The following NUDT12 variants were observed in gnomAD, a reference collection of about 807,000 sequenced individuals.
NUDT12 encodes NAD-capped RNA hydrolase NUDT12.
NUDT12 carries 42 observed loss-of-function variants against 45.7 expected under a neutral mutation model. The observed-to-expected ratio is 0.92, with a 90% CI of 0.72 to 1.19. NUDT12 has a LOEUF of 1.19. Ranked by LOEUF, NUDT12 falls within the 50% of genes most tolerant of loss-of-function variation. NUDT12 has a pLI of 0.00. For synonymous variants in NUDT12, 206 were observed against 179.7 expected, an observed-to-expected ratio of 1.15 and a Z score of -1.17; for missense variants, 590 against 533.1, an observed-to-expected ratio of 1.11 and a Z score of -1.05.
At position 103,550,824 on chromosome 5, in the gene NUDT12, A is replaced by G. The variant is rs1035729491; in HGVS notation, c.*37T>C. 1 of 1,419,982 alleles carries G rather than the reference A, an allele frequency of 7.0e-7. No homozygotes were observed. Among genetic ancestry groups the G allele is most frequent in the South Asian group, 1.2e-5 (1 of 86,794 alleles). The allele number at this position is 1,419,982 out of a possible 1,614,324, so 88.0% of individuals were successfully genotyped here. ...TCACTTGAGGAATGAGTGTTATTAG[A>G]AATTATTAAATAATACTCAAAGCTT... On this transcript the variant is annotated 3_prime_UTR_variant, in exon 7 of 7. Coordinates refer to ENST00000230792, the MANE Select transcript of NUDT12 (RefSeq NM_031438.4).
At chr5:103,554,643 T>C in intron 5 of NUDT12, 97 bp downstream of exon 5, 1 of 427,662 alleles carries the variant, frequency 2.3e-6, no homozygotes. Context: ...CCGAGTTTTA[T>C]AACATGATAA....
chr5:103,552,462 G>A lies in NUDT12; in HGVS notation c.1079-46C>T, dbSNP rs755029940. On this transcript the variant is annotated intron_variant, in intron 5 of 6. Coordinates refer to ENST00000230792, the MANE Select transcript of NUDT12 (RefSeq NM_031438.4). ...AACAAGTTGCTGATGAACATGCCCGGGACACTTTGTGTCCTGAATGGTTCA... is the reference window on the plus strand; with the variant it reads ...AACAAGTTGCTGATGAACATGCCCGAGACACTTTGTGTCCTGAATGGTTCA... 3 of 1,457,228 alleles carry A rather than the reference G, an allele frequency of 2.1e-6. No individual in the cohort carries two copies. In the Admixed American group the frequency reaches 5.1e-5, roughly 25 times the overall value. 90.3% of individuals were successfully genotyped at this position (1,457,228 alleles called of 1,614,324 possible).
chr5:103,559,528 G>A lies in NUDT12; in HGVS notation c.207-60C>T, dbSNP rs528119977. 1.1e-5 allele frequency: 9 copies of A among 821,764 alleles called. No homozygotes were observed. In the East Asian group the frequency reaches 1.2e-4, roughly 11 times the overall value. 50.9% of individuals were successfully genotyped at this position (821,764 alleles called of 1,614,324 possible). A position where few individuals can be genotyped will look rare whatever the true frequency, so the allele number is the denominator to read the frequency against. ...AAAATAGGAAGTAAACACTTTCTCC[G>A]TATTTATTTCACTAAAATATTTCCA... On this transcript the variant is annotated intron_variant, in intron 2 of 6. Transcript: ENST00000230792.
rs200080423 is a variant in NUDT12, at chr5:103,558,995, C to T, written c.680G>A (p.Trp227Ter). The change falls in exon 3 of 7, where the codon TGG becomes TAG. Residue 227 changes from tryptophan (W) to a stop codon, truncating the protein, a stop_gained. Transcript: ENST00000230792. LOFTEE classifies it high-confidence loss of function. ...PREEEDGLVA[W>*]FALGIDPIAA... Reference sequence around the variant, plus strand: ...AATAGGATCTATACCTAGAGCAAACCAGGCAACCAATCCATCTTCCTCCTC... The same window carrying T: ...AATAGGATCTATACCTAGAGCAAACTAGGCAACCAATCCATCTTCCTCCTC... 52 of 1,613,668 alleles carry T rather than the reference C, an allele frequency of 3.2e-5. No homozygotes were observed. The highest frequency in any genetic ancestry group is 4.2e-6 in the Non-Finnish European group (5 of 1,179,758).
At chr5:103,555,675 A>G (rs1748791528) in intron 4 of NUDT12, among the ~76,000 whole-genome samples, 1 of 152,012 alleles carries the variant, frequency 6.6e-6, no homozygotes, top group Non-Finnish European at 1.5e-5. Context: ...AAGTAGAGCC[A>G]AATTGGTTGG....
rs1562616736 is a variant in NUDT12 at position 103,552,234 on chromosome 5, A to AGCT, written c.1260_1261insAGC (p.Arg420_Trp421insSer). 1 of 1,613,366 alleles carries AGCT rather than the reference A, an allele frequency of 6.2e-7. No individual in the cohort carries two copies. The highest frequency in any genetic ancestry group is 2.2e-5 in the East Asian group (1 of 44,870). On this transcript the variant is annotated inframe_insertion, in exon 6 of 7. Coordinates refer to ENST00000230792, the MANE Select transcript of NUDT12 (RefSeq NM_031438.4). ...AACTTTACCTGTTCTCTAGTGAACC[A>AGCT]GCGGGCATCCTCTATTTCATTCTTG...
At chr5:103,551,064 G>T in intron 6 of NUDT12, 93 bp from the exon 7 acceptor site, 1 of 852,314 alleles carries the variant, frequency 1.2e-6, no homozygotes, top group Non-Finnish European at 1.9e-6. Context: ...AAAATGTGAT[G>T]AGTTTTACAG....
chr5:103,557,162 A>G (rs1748848141), intron 3 of NUDT12, among the ~76,000 whole-genome samples: 1 of 151,366 alleles, frequency 6.6e-6, no homozygotes, highest in South Asian at 2.1e-4. Context: ...ACTGAGTCAC[A>G]GAAAAGTTAA....
Position 103,560,161 on chromosome 5 carries a change from C to T in NUDT12, c.88G>A (p.Gly30Arg). The T allele has an allele frequency of 1.2e-6, 2 of 1,613,636 alleles. No individual in the cohort carries two copies. Among genetic ancestry groups the T allele is most frequent in the East Asian group, 2.2e-5 (1 of 44,856 alleles). Residue 30 changes from glycine to arginine, a missense_variant, in exon 2 of 7, where the codon GGA becomes AGA. Gly to Arg is a moderately radical substitution (Grantham distance 125). Coordinates refer to ENST00000230792, the MANE Select transcript of NUDT12 (RefSeq NM_031438.4). ...AGAGATGGAGAATGACTGAGTATTCCTGTTAACTTGGCAATATCTCCTTCA... is the reference window on the plus strand; with the variant it reads ...AGAGATGGAGAATGACTGAGTATTCTTGTTAACTTGGCAATATCTCCTTCA... The part of the protein sequence containing the change: ...AAEGDIAKLT[G>R]ILSHSPSLLN...
intron 3 of NUDT12, 131 bp downstream of exon 3, chr5:103,558,748 T>C (rs1748912391): frequency 1.6e-6 from 1 of 613,650 alleles, no homozygotes; most frequent in East Asian, 2.9e-5. Context: ...CTTTAAGAAG[T>C]TTCTGATGAA....
chr5:103,559,280 T>C lies in NUDT12; in HGVS notation c.395A>G (p.Lys132Arg), dbSNP rs1748944440. The C allele has an allele frequency of 6.2e-7, 1 of 1,603,468 alleles. No individual in the cohort carries two copies. The highest frequency in any genetic ancestry group is 1.3e-5 in the African/African-American group (1 of 74,284). Reference protein sequence around the residue: ...SKTLLDRKSEKRNNSDWLLAK... With the variant: ...SKTLLDRKSERRNNSDWLLAK... ...TAGCAGCCAGTCAGAATTATTTCTC[T>C]TTTCACTTTTCCGGTCCAGTAGTGT... Residue 132 changes from lysine to arginine, a missense_variant, in exon 3 of 7, where the codon AAG becomes AGG. Lys to Arg is a conservative substitution (Grantham distance 26). Transcript: ENST00000230792.
chr5:103,560,297 G>T (rs778466548), intron 1 of NUDT12, 43 bp from the exon 2 acceptor site: 1 of 1,236,914 alleles, frequency 8.1e-7, no homozygotes. Context: ...ATTTGCAACT[G>T]CTTTTTTATC....
intron 5 of NUDT12, among the ~76,000 whole-genome samples, chr5:103,552,740 A>C (rs1748696794): frequency 6.6e-6 from 1 of 152,160 alleles, no homozygotes; most frequent in South Asian, 2.1e-4. Flanking sequence ...TTTATATCTT[A>C]TCTCATGTAT....
At chr5:103,562,162 A>G (rs2112461085) in intron 1 of NUDT12, among the ~76,000 whole-genome samples, 1 of 152,342 alleles carries the variant, frequency 6.6e-6, no homozygotes, top group East Asian at 1.9e-4. Flanking sequence ...AAAGGGACAT[A>G]AATTTTTAAC....
intron 1 of NUDT12, among the ~76,000 whole-genome samples, chr5:103,561,194 TAAC>T (rs1749022838): frequency 1.3e-5 from 2 of 152,160 alleles, no homozygotes; most frequent in South Asian, 2.1e-4. Context: ...TTTGGGATTC[TAAC>T]AACATTTCTA....
Position 103,560,074 on chromosome 5 carries a change from G to C in NUDT12, c.175C>G (p.Pro59Ala). 6.2e-7 allele frequency: 1 copy of C among 1,613,670 alleles called. No individual in the cohort carries two copies. The highest frequency in any genetic ancestry group is 8.5e-7 in the Non-Finnish European group (1 of 1,179,724). The change falls in exon 2 of 7, where the codon CCA becomes GCA. Residue 59 changes from proline (P) to alanine (A), a missense_variant. Transcript: ENST00000230792. ...TCAAGCAGAAATTGGACTATCTCTG[G>C]GTGCCCATTCCTTGCCGCATACATT... is the stretch of plus-strand genomic sequence containing the variant. ...ALMYAARNGH[P>A]EIVQFLLEKG...
intron 2 of NUDT12, chr5:103,559,832 T>C (rs544695472): frequency 5.2e-5 from 28 of 543,540 alleles, no homozygotes; most frequent in Non-Finnish European, 9.1e-5. Context: ...TCCTCATAAA[T>C]TTGCTTTGCT....
intron 3 of NUDT12, among the ~76,000 whole-genome samples, chr5:103,557,279 TGA>T (rs1491565452): frequency 5.4e-4 from 20 of 36,814 alleles, no homozygotes; most frequent in African/African-American, 2.1e-3. Flanking sequence ...GATCTTAAAA[TGA>T]TATATATATA....
At chr5:103,561,566 T>C (rs10052152) in intron 1 of NUDT12, among the ~76,000 whole-genome samples, 58,069 of 152,052 alleles carry the variant, frequency 0.38, 11,428 homozygotes, top group Middle Eastern at 0.57. Flanking sequence ...ACTTCGCTGT[T>C]CCTTTCATAT....
Sources: allele counts gnomAD v4.1 joint callset (sites outside exome capture counted in the v4.1 genomes callset), GRCh38; gene constraint gnomAD v4.1.1; transcripts MANE v1.5; gene names NCBI Gene and HGNC (gene_info 2026-07-23, HGNC 2026-07-21).